The following EXTL3 variants were observed in gnomAD, a reference collection of about 807,000 sequenced individuals.
EXTL3 encodes exostosin-like 3.
In EXTL3, 27 loss-of-function variants were observed where a neutral mutation model predicts 69.3. The observed-to-expected ratio is 0.39, with a 90% confidence interval of 0.29 to 0.54. The LOEUF is 0.54. Ranked by LOEUF, EXTL3 falls within the 20% of genes least tolerant of loss-of-function variation. EXTL3 has a pLI of 0.69. For synonymous variants in EXTL3, 511 were observed against 499.4 expected, an observed-to-expected ratio of 1.02 and a Z score of -0.31; for missense variants, 1,003 against 1,231.8, an observed-to-expected ratio of 0.81 and a Z score of 2.78.
chr8:28,672,320 A>T (rs1212698030), intron 1 of EXTL3, among the ~76,000 whole-genome samples: 1 of 147,720 alleles, frequency 6.8e-6, no homozygotes, highest in Non-Finnish European at 1.5e-5. Flanking sequence ...CGGGAGGCTG[A>T]GGCAGGAGAA....
chr8:28,627,806 A>C (rs1041761323), intron 1 of EXTL3, among the ~76,000 whole-genome samples: 9 of 152,202 alleles, frequency 5.9e-5, no homozygotes, highest in African/African-American at 2.2e-4. Flanking sequence ...CCTTAAGGAC[A>C]TCATGCTAAG....
At chr8:28,746,601 T>C (rs1801893674) in intron 6 of EXTL3, among the ~76,000 whole-genome samples, 1 of 152,238 alleles carries the variant, frequency 6.6e-6, no homozygotes. Context: ...GCTTCATTCT[T>C]TTTAAATTTT....
At chr8:28,638,819 C>CG (rs909745211) in intron 1 of EXTL3, among the ~76,000 whole-genome samples, 2 of 151,984 alleles carry the variant, frequency 1.3e-5, no homozygotes, top group African/African-American at 4.8e-5. Flanking sequence ...TTAGTACAGA[C>CG]GGGGTCTCAC....
intron 1 of EXTL3, among the ~76,000 whole-genome samples, chr8:28,644,795 CTTG>C (rs1563434325): frequency 6.6e-6 from 1 of 152,160 alleles, no homozygotes; most frequent in Non-Finnish European, 1.5e-5. Context: ...TGTACGTGGG[CTTG>C]TTGTATGCTT....
At chr8:28,660,415 C>T (rs756351830) in intron 1 of EXTL3, among the ~76,000 whole-genome samples, 11 of 151,796 alleles carry the variant, frequency 7.2e-5, no homozygotes, top group Middle Eastern at 3.5e-3. Context: ...AGTGTATGTA[C>T]GTTAAGCTCT....
At chr8:28,715,410 A>T (rs967810191) in intron 2 of EXTL3, among the ~76,000 whole-genome samples, 175 bp from the exon 3 acceptor site, 22 of 152,310 alleles carry the variant, frequency 1.4e-4, no homozygotes, top group South Asian at 1.2e-3. Context: ...CAAGTAAAAG[A>T]CCTATACCAA....
At chr8:28,650,173 G>A (rs1806895240) in intron 1 of EXTL3, among the ~76,000 whole-genome samples, 1 of 146,636 alleles carries the variant, frequency 6.8e-6, no homozygotes, top group Non-Finnish European at 1.5e-5. Context: ...TCCAGCCGGG[G>A]TGACAGAGTG....
At chr8:28,728,413 A>G (rs1193505880) in intron 3 of EXTL3, among the ~76,000 whole-genome samples, 3 of 152,064 alleles carry the variant, frequency 2.0e-5, no homozygotes, top group Non-Finnish European at 4.4e-5. Flanking sequence ...AGCTTAGGAT[A>G]CCCTGGGCTG....
At chr8:28,687,569 C>G (rs997583252) in intron 1 of EXTL3, among the ~76,000 whole-genome samples, 115 of 152,302 alleles carry the variant, frequency 7.6e-4, no homozygotes, top group African/African-American at 2.6e-3. Context: ...GTTTGGATGA[C>G]TGTGAAAACC....
At chr8:28,672,343 A>G (rs1444880298) in intron 1 of EXTL3, among the ~76,000 whole-genome samples, 5 of 127,144 alleles carry the variant, frequency 3.9e-5, no homozygotes, top group Admixed American at 2.0e-4. Context: ...GCATGAAACC[A>G]GGAGGCGGAG....
In EXTL3 at chr8:28,692,651, A is replaced by G. The variant is rs942470812; in HGVS notation, c.-52-20806A>G. ...CACTTTCAGTTTTGATTTTACAGCC[A>G]AATTGGTTGACTAAGAATCTAATTG... On this transcript the variant is annotated intron_variant, in intron 1 of 6. Transcript: ENST00000523149. 2.0e-5 allele frequency among the ~76,000 whole-genome samples: 3 copies of G among 152,216 alleles called. 1 individual carries two copies. The highest frequency in any genetic ancestry group is 4.1e-4 in the South Asian group (2 of 4,836).
chr8:28,612,463 T>TA (rs111303829), intron 2 of EXTL3, among the ~76,000 whole-genome samples: 6,454 of 127,084 alleles, frequency 0.051, 395 homozygotes, highest in African/African-American at 0.15. Context: ...CTCCATCTCT[T>TA]AAAAAAAAAA....
intron 3 of EXTL3, among the ~76,000 whole-genome samples, chr8:28,718,700 C>T (rs1801223205): frequency 6.6e-6 from 1 of 152,168 alleles, no homozygotes; most frequent in African/African-American, 2.4e-5. Flanking sequence ...ATTCCAGAAG[C>T]GGCAGCTTTA....
At chr8:28,626,470 G>A (rs769423784) in intron 1 of EXTL3, among the ~76,000 whole-genome samples, 18 of 152,184 alleles carry the variant, frequency 1.2e-4, no homozygotes, top group African/African-American at 4.8e-5. Flanking sequence ...AGGGTGCAGC[G>A]TTGGTGGAAC....
At chr8:28,649,771 A>G (rs933238689) in intron 1 of EXTL3, among the ~76,000 whole-genome samples, 4 of 152,286 alleles carry the variant, frequency 2.6e-5, no homozygotes, top group African/African-American at 7.2e-5. Context: ...TATGCTTTCA[A>G]GTCTTATTCT....
At position 28,750,797 on chromosome 8, in the gene EXTL3, C is replaced by G. The variant is rs368588764; in HGVS notation, c.2691C>G (p.Phe897Leu). 3 of 1,614,060 alleles carry G rather than the reference C, an allele frequency of 1.9e-6. No individual in the cohort carries two copies. In the African/African-American group the frequency reaches 4.0e-5, roughly 22 times the overall value. The change falls in exon 7 of 7, where the codon TTC becomes TTG. Residue 897 changes from phenylalanine (F) to leucine (L), a missense_variant. This residue lies in a region of EXTL3 where 261 missense variants were observed against 416.4 expected (regional missense o/e 0.63). Transcript: ENST00000220562. The surrounding 1 kb of genome is among the most constrained non-coding windows in gnomAD (Gnocchi z 5.2). ...ACATGCCCCTCCTGTACACGCAGTTCAGGGTGGATTCTGTGCTCTTCAAGA... is the reference window on the plus strand; with the variant it reads ...ACATGCCCCTCCTGTACACGCAGTTGAGGGTGGATTCTGTGCTCTTCAAGA... ...YGYMPLLYTQ[F>L]RVDSVLFKTR...
Position 28,716,401 on chromosome 8 carries a change from C to G in EXTL3, c.342C>G (p.Ile114Met), listed in dbSNP as rs538331636. ...AGATCGCCAAGCTGAATCTGAAGATCGAAGCCTGTAAGAAGAGCATTGAGA... is the reference window on the plus strand; with the variant it reads ...AGATCGCCAAGCTGAATCTGAAGATGGAAGCCTGTAAGAAGAGCATTGAGA... ...NSEIAKLNLKIEACKKSIENA... is the reference protein window; with the variant it reads ...NSEIAKLNLKMEACKKSIENA... The change falls in exon 3 of 7, where the codon ATC becomes ATG. Residue 114 changes from isoleucine (I) to methionine (M), a missense_variant. Ile to Met is a conservative substitution (Grantham distance 10). Transcript: ENST00000220562. This position sits in a 1 kb window ranked among gnomAD's most constrained non-coding sequence, Gnocchi z 7.1. The G allele has an allele frequency of 6.2e-7, 1 of 1,613,788 alleles. No homozygotes were observed. Among genetic ancestry groups the G allele is most frequent in the Non-Finnish European group, 8.5e-7 (1 of 1,179,972 alleles).
At chr8:28,709,023 CAT>C (rs1439783485) in intron 1 of EXTL3, among the ~76,000 whole-genome samples, 1 of 152,172 alleles carries the variant, frequency 6.6e-6, no homozygotes, top group African/African-American at 2.4e-5. Context: ...AAATGATACA[CAT>C]GATAGGCATG....
chr8:28,703,259 A>G (rs1188154430), intron 1 of EXTL3, among the ~76,000 whole-genome samples: 1 of 152,092 alleles, frequency 6.6e-6, no homozygotes, highest in East Asian at 1.9e-4. Context: ...CTAAAAAATG[A>G]TTGACAGGCG....
Sources: allele counts gnomAD v4.1 joint callset (sites outside exome capture counted in the v4.1 genomes callset), GRCh38; gene constraint gnomAD v4.1.1; regional missense constraint gnomAD v4.1.1; non-coding constraint Gnocchi (gnomAD v3.1); transcripts MANE v1.5; gene names NCBI Gene and HGNC (gene_info 2026-07-23, HGNC 2026-07-21).